RPGRIP1L: variants seen among roughly 807,000 people sequenced by gnomAD.
RPGRIP1L encodes the protein protein fantom.
In RPGRIP1L, 131 loss-of-function variants were observed where a neutral mutation model predicts 160.4. That is an observed-to-expected ratio of 0.82 (90% CI 0.71 to 0.94). The LOEUF (loss-of-function observed/expected upper bound fraction) is 0.94. Ranked by LOEUF, RPGRIP1L falls within the 40% of genes least tolerant of loss-of-function variation. The probability of loss-of-function intolerance (pLI) is 0.00; values close to 1 mark genes in which losing one functional copy is unlikely to be tolerated. For missense variants in RPGRIP1L, 1,522 were observed against 1,535.8 expected (o/e 0.99, Z 0.15); for synonymous variants, 510 against 515.8 (o/e 0.99, Z 0.15).
intron 7 of RPGRIP1L, among the ~76,000 whole-genome samples, chr16:53,674,342 TTCA>T (rs1363070190): frequency 2.0e-5 from 3 of 152,124 alleles, no homozygotes; most frequent in Non-Finnish European, 2.9e-5. Flanking sequence ...TGTCTTGGAG[TTCA>T]TTAATTCCAG....
chr16:53,666,729 A>ACT (rs1156431451), intron 9 of RPGRIP1L, among the ~76,000 whole-genome samples: 1 of 152,164 alleles, frequency 6.6e-6, no homozygotes, highest in Non-Finnish European at 1.5e-5. Flanking sequence ...AATTAGAAAC[A>ACT]GTAGTGTTCC....
At chr16:53,609,767 G>A (rs568517931) in intron 25 of RPGRIP1L, among the ~76,000 whole-genome samples, 17 of 152,214 alleles carry the variant, frequency 1.1e-4, no homozygotes, top group African/African-American at 3.6e-4. Flanking sequence ...GGCCCTGAAA[G>A]AAGCTGAAGC....
intron 25 of RPGRIP1L, chr16:53,608,017 T>A: frequency 2.0e-6 from 2 of 976,094 alleles, no homozygotes; most frequent in East Asian, 1.1e-4. Flanking sequence ...AGGGGGCAGA[T>A]GTCAAGCACT....
chr16:53,662,225 G>A (rs1391210676), intron 10 of RPGRIP1L, among the ~76,000 whole-genome samples: 1 of 152,086 alleles, frequency 6.6e-6, no homozygotes, highest in East Asian at 1.9e-4. Flanking sequence ...GAGCGCCTTT[G>A]TGCTAATATC....
Position 53,671,511 on chromosome 16 carries a change from T to C in RPGRIP1L, c.1102A>G (p.Ser368Gly). The change falls in exon 9 of 27, where the codon AGT (serine) becomes GGT (glycine). Residue 368 changes from serine (S) to glycine (G), a missense_variant and splice_region_variant. By Grantham distance (56) the Ser-to-Gly change is moderately conservative. Coordinates refer to ENST00000647211, the MANE Select transcript of RPGRIP1L (RefSeq NM_015272.5). ...LKENYDKLYD[S>G]AFSAAHEEQW... ...AGAACACATGGAATCACGATTTACC[T>C]GTCATAAAGTTTATCATAGTTTTCC... The C allele has an allele frequency of 6.4e-7, 1 of 1,563,480 alleles. No individual in the cohort carries two copies. The highest frequency in any genetic ancestry group is 1.1e-5 in the South Asian group (1 of 89,754).
In RPGRIP1L at chr16:53,675,095, C is replaced by G; in HGVS notation, c.804G>C (p.Met268Ile). 2 of 1,611,188 alleles carry G rather than the reference C, an allele frequency of 1.2e-6. No homozygotes were observed. The highest frequency in any genetic ancestry group is 2.2e-5 in the South Asian group (2 of 90,994). The part of the protein sequence containing the change: ...QRSNIRDNVE[M>I]IKLHKQLVEK... ...CTACTAGCTGTTTATGAAGCTTAAT[C>G]ATTTCTACATTGTCCCGAATATTTG... is the stretch of plus-strand genomic sequence containing the variant. Residue 268 changes from methionine (M) to isoleucine (I), a missense_variant, in exon 7 of 27, where the codon ATG (methionine) becomes ATC (isoleucine). By Grantham distance (10) the Met-to-Ile change is conservative. Transcript: ENST00000647211.
intron 2 of RPGRIP1L, among the ~76,000 whole-genome samples, chr16:53,697,959 G>A (rs1160375698): frequency 6.6e-6 from 1 of 151,830 alleles, no homozygotes. Flanking sequence ...GAAGTGAGGA[G>A]CGTCTCTGCC....
intron 6 of RPGRIP1L, among the ~76,000 whole-genome samples, chr16:53,683,856 C>T (rs1191171956): frequency 6.6e-6 from 1 of 151,984 alleles, no homozygotes; most frequent in Non-Finnish European, 1.5e-5. Context: ...AAATATCGTA[C>T]ATTATAAAAT....
At chr16:53,673,071 T>C in intron 7 of RPGRIP1L, 55 bp from the exon 8 acceptor site, 1 of 1,496,570 alleles carries the variant, frequency 6.7e-7, no homozygotes, top group South Asian at 1.2e-5. Flanking sequence ...ATGATTAAAT[T>C]TGACTAAATG....
At chr16:53,697,023 G>A (rs558973793) in intron 2 of RPGRIP1L, among the ~76,000 whole-genome samples, 53 of 152,016 alleles carry the variant, frequency 3.5e-4, no homozygotes, top group Admixed American at 1.0e-3. Context: ...GTGAAACCCC[G>A]TCTCTACTAA....
chr16:53,610,140 A>C (rs971115088), intron 25 of RPGRIP1L, among the ~76,000 whole-genome samples: 1 of 152,066 alleles, frequency 6.6e-6, no homozygotes, highest in African/African-American at 2.4e-5. Flanking sequence ...TGGAGAAACC[A>C]GTTTGCGGTT....
intron 16 of RPGRIP1L, among the ~76,000 whole-genome samples, chr16:53,646,801 G>C (rs1219457643): frequency 6.6e-6 from 1 of 152,178 alleles, no homozygotes; most frequent in East Asian, 1.9e-4. Context: ...TCTGGATTGA[G>C]CATCTGGGAC....
chr16:53,688,682 T>C (rs936782026), intron 4 of RPGRIP1L, among the ~76,000 whole-genome samples: 25 of 152,040 alleles, frequency 1.6e-4, no homozygotes, highest in African/African-American at 5.8e-4. Flanking sequence ...GGTTTTTAAA[T>C]GGAGAACAAA....
rs981992752 is a variant in RPGRIP1L, at chr16:53,652,774, T to C, written c.1913A>G (p.Tyr638Cys). The change falls in exon 15 of 27, where the codon TAT (tyrosine) becomes TGT (cysteine). Residue 638 changes from tyrosine (Y) to cysteine (C), a missense_variant. Physicochemically the swap from Tyr to Cys is radical, Grantham distance 194 (BLOSUM62 -2). Transcript: ENST00000647211. ...GGGAGTTGTCTGTAGTTCAAAATCA[T>C]AGAAAGCATAGGTACAGAAAGTGAC... ...EPVTFCTYAF[Y>C]DFELQTTPVV... The C allele has an allele frequency of 6.8e-6, 11 of 1,614,146 alleles. No individual in the cohort carries two copies. The highest frequency in any genetic ancestry group is 1.6e-4 in the Middle Eastern group (1 of 6,062).
At chr16:53,680,512 C>G (rs968835787) in intron 6 of RPGRIP1L, among the ~76,000 whole-genome samples, 3 of 151,896 alleles carry the variant, frequency 2.0e-5, no homozygotes, top group South Asian at 2.1e-4. Context: ...TGCAACAACA[C>G]GTGACCCTCG....
chr16:53,662,797 T>C (rs747521963), intron 10 of RPGRIP1L, among the ~76,000 whole-genome samples: 14 of 152,054 alleles, frequency 9.2e-5, no homozygotes, highest in Non-Finnish European at 2.9e-5. Flanking sequence ...GCATTAAAAG[T>C]AAGGATTCAG....
intron 24 of RPGRIP1L, among the ~76,000 whole-genome samples, chr16:53,614,152 G>C (rs1442741729): frequency 6.6e-6 from 1 of 152,130 alleles, no homozygotes; most frequent in Non-Finnish European, 1.5e-5. Flanking sequence ...ACCTAGTCTA[G>C]GTGTGTCAAA....
intron 22 of RPGRIP1L, among the ~76,000 whole-genome samples, chr16:53,626,728 A>C (rs1037289682): frequency 6.7e-6 from 1 of 150,226 alleles, no homozygotes; most frequent in South Asian, 2.1e-4. Flanking sequence ...TCGCTTGAAC[A>C]TGGGAGGCAG....
chr16:53,689,427 G>C lies in RPGRIP1L; in HGVS notation c.530-1462C>G, dbSNP rs1395965115. Among the ~76,000 whole-genome samples, 26 of 152,036 alleles carry C rather than the reference G, an allele frequency of 1.7e-4. 1 individual carries two copies. The stretch of plus-strand genomic sequence containing the variant: ...CGCCCCATACTCTTCCCAGCCTCTA[G>C]TAACTATCATTCTACTCTCTACCAA... On this transcript the variant is annotated intron_variant, in intron 4 of 26. Transcript: ENST00000647211.
Sources: allele counts gnomAD v4.1 joint callset (sites outside exome capture counted in the v4.1 genomes callset), GRCh38; gene constraint gnomAD v4.1.1; transcripts MANE v1.5; gene names NCBI Gene and HGNC (gene_info 2026-07-23, HGNC 2026-07-21).